Variants in FAM193A observed in about 807,000 individuals in gnomAD.
FAM193A encodes protein FAM193A.
In FAM193A, 22 loss-of-function variants were observed where a neutral mutation model predicts 126.5. The observed-to-expected ratio is 0.17, with a 90% CI of 0.12 to 0.25. FAM193A has a LOEUF of 0.25. Among genes scored for constraint, FAM193A ranks in the 10% least tolerant of loss-of-function variants. The pLI is 1.00. For synonymous variants in FAM193A, 761 were observed against 646.8 expected, an observed-to-expected ratio of 1.18 and a Z score of -2.68; for missense variants, 1,675 against 1,672.8, an observed-to-expected ratio of 1.00 and a Z score of -0.02.
At chr4:2,665,666 C>T (rs887436686) in intron 12 of FAM193A, among the ~76,000 whole-genome samples, 4 of 152,096 alleles carry the variant, frequency 2.6e-5, no homozygotes, top group Non-Finnish European at 4.4e-5. Flanking sequence ...ATTACAACTA[C>T]AGGCATGCGC....
At chr4:2,722,283 T>C (rs1720251729) in intron 20 of FAM193A, among the ~76,000 whole-genome samples, 1 of 152,162 alleles carries the variant, frequency 6.6e-6, no homozygotes, top group African/African-American at 2.4e-5. Flanking sequence ...GGCCACTGTG[T>C]CTCGGGTGCA....
At chr4:2,709,427 G>T (rs1718668810) in intron 19 of FAM193A, among the ~76,000 whole-genome samples, 1 of 152,090 alleles carries the variant, frequency 6.6e-6, no homozygotes, top group African/African-American at 2.4e-5. Flanking sequence ...GAAGTTTTTG[G>T]CTGGGCACGG....
chr4:2,699,640 C>T (rs1269865144), intron 18 of FAM193A, 40 bp from the exon 19 acceptor site: 3 of 1,549,508 alleles, frequency 1.9e-6, no homozygotes, highest in East Asian at 4.5e-5. Context: ...ATTTTTAGCA[C>T]TCACTGTAGT....
intron 1 of FAM193A, among the ~76,000 whole-genome samples, chr4:2,548,936 T>G (rs1298176429): frequency 6.6e-6 from 1 of 151,778 alleles, no homozygotes; most frequent in Non-Finnish European, 1.5e-5. Flanking sequence ...TTTTTGTTTT[T>G]TTTGTTTGTT....
At chr4:2,670,327 T>C (rs1045999008) in intron 12 of FAM193A, among the ~76,000 whole-genome samples, 1 of 152,204 alleles carries the variant, frequency 6.6e-6, no homozygotes, top group Non-Finnish European at 1.5e-5. Context: ...ATGTTGAATC[T>C]TTATTTTCAT....
chr4:2,662,964 C>T lies in FAM193A; in HGVS notation c.1872C>T (p.Gly624=), dbSNP rs552515235. 56 of 1,612,832 alleles carry T rather than the reference C, an allele frequency of 3.5e-5. 1 individual carries two copies. The South Asian group carries it at 4.7e-4, about 14-fold the overall frequency. Residue 624 remains glycine (G), a synonymous_variant, in exon 11 of 21, where the codon GGC becomes GGT. Coordinates refer to ENST00000637812, the MANE Select transcript of FAM193A (RefSeq NM_001366318.2). ...GAATCCACAGCGAATTGAATGGTGG[C>T]GGGGAAAACATGGCCCTGAAGGATG... is the stretch of plus-strand genomic sequence containing the variant. The part of the protein sequence containing the change: ...MNGIHSELNG[G]GENMALKDES...
chr4:2,689,794 C>T, intron 14 of FAM193A, 90 bp downstream of exon 14: 1 of 839,760 alleles, frequency 1.2e-6, no homozygotes. Context: ...AGCCCTGGCG[C>T]AGCTGTAGCC....
At chr4:2,637,751 G>T (rs996272650) in intron 5 of FAM193A, among the ~76,000 whole-genome samples, 1 of 152,184 alleles carries the variant, frequency 6.6e-6, no homozygotes, top group Admixed American at 6.5e-5. Flanking sequence ...CTGGTTCCAC[G>T]CCTGTCGATG....
chr4:2,672,325 C>G lies in FAM193A; in HGVS notation c.2284C>G (p.Leu762Val). 6.2e-7 allele frequency: 1 copy of G among 1,614,228 alleles called. No homozygotes were observed. Among genetic ancestry groups the G allele is most frequent in the South Asian group, 1.1e-5 (1 of 91,086 alleles). Residue 762 changes from leucine (L) to valine (V), a missense_variant, in exon 13 of 21, where the codon CTC becomes GTC. By Grantham distance (32) the Leu-to-Val change is conservative (BLOSUM62 1). Transcript: ENST00000637812. ...CACTGTTCCACACCTGCCACGCCCTCTCATCCACCCCACCTTGTATGCAAC... is the reference window on the plus strand; with the variant it reads ...CACTGTTCCACACCTGCCACGCCCTGTCATCCACCCCACCTTGTATGCAAC... ...LHTVPHLPRP[L>V]IHPTLYATPP... is the part of the protein sequence containing the mutation.
rs760377706 is a variant in FAM193A at position 2,700,217 on chromosome 4, G to A, written c.4045G>A (p.Glu1349Lys). Residue 1349 changes from glutamate (E) to lysine (K), a missense_variant, in exon 19 of 21, where the codon GAG (glutamate) becomes AAG (lysine). Coordinates refer to ENST00000637812, the MANE Select transcript of FAM193A (RefSeq NM_001366318.2). The stretch of plus-strand genomic sequence containing the variant: ...GAGGCAGACCAGCAAGGCCAGCAGC[G>A]AGCCAGCGAGGAGGCCCACAGAGCC... ...KLRQTSKASSEPARRPTEPPK... is the reference protein window; with the variant it reads ...KLRQTSKASSKPARRPTEPPK... 1.9e-6 allele frequency: 3 copies of A among 1,613,768 alleles called. No individual in the cohort carries two copies. Among genetic ancestry groups the A allele is most frequent in the African/African-American group, 1.3e-5 (1 of 74,870 alleles).
chr4:2,665,154 C>G (rs1712962537), intron 12 of FAM193A, among the ~76,000 whole-genome samples: 1 of 152,026 alleles, frequency 6.6e-6, no homozygotes, highest in Non-Finnish European at 1.5e-5. Context: ...TTTAATTTTT[C>G]TCAGTAGTTC....
chr4:2,669,106 G>A (rs1713491044), intron 12 of FAM193A, among the ~76,000 whole-genome samples: 1 of 152,120 alleles, frequency 6.6e-6, no homozygotes, highest in Admixed American at 6.5e-5. Flanking sequence ...GCCTCCCAAA[G>A]TGCTGGGATT....
In FAM193A at chr4:2,699,981, C is replaced by A; in HGVS notation, c.3809C>A (p.Pro1270Gln). 6.2e-7 allele frequency: 1 copy of A among 1,613,940 alleles called. No homozygotes were observed. Among genetic ancestry groups the A allele is most frequent in the Non-Finnish European group, 8.5e-7 (1 of 1,179,980 alleles). Residue 1270 changes from proline (P) to glutamine (Q), a missense_variant, in exon 19 of 21, where the codon CCA becomes CAA. Physicochemically the swap from Pro to Gln is moderately conservative, Grantham distance 76. Transcript: ENST00000637812. ...HNGSLEQTEE[P>Q]ETSSHSPSRH... ...GGCTCACTAGAGCAAACTGAAGAAC[C>A]AGAAACCTCTTCTCACTCCCCATCC...
intron 17 of FAM193A, among the ~76,000 whole-genome samples, chr4:2,695,478 A>G (rs1716927123): frequency 1.3e-5 from 2 of 152,188 alleles, no homozygotes; most frequent in South Asian, 2.1e-4. Context: ...TTGAATACAG[A>G]GGGCGTTGGT....
intron 5 of FAM193A, among the ~76,000 whole-genome samples, chr4:2,632,855 G>A (rs1427667228): frequency 6.6e-6 from 1 of 152,056 alleles, no homozygotes; most frequent in Non-Finnish European, 1.5e-5. Flanking sequence ...CAAATCCAGA[G>A]CCCCTCCTCT....
chr4:2,635,795 C>T (rs1034058461), intron 5 of FAM193A, among the ~76,000 whole-genome samples: 3 of 152,158 alleles, frequency 2.0e-5, no homozygotes, highest in Non-Finnish European at 4.4e-5. Flanking sequence ...GCCTCGGCCT[C>T]CCAAAGTTTT....
At chr4:2,610,330 C>T (rs1167371900) in intron 2 of FAM193A, among the ~76,000 whole-genome samples, 2 of 150,668 alleles carry the variant, frequency 1.3e-5, no homozygotes, top group Non-Finnish European at 2.9e-5. Context: ...GGCATATAGT[C>T]CCAACTTAAA....
In FAM193A at chr4:2,615,487, T is replaced by C. The variant is rs571750033; in HGVS notation, c.502-9775T>C. Among the ~76,000 whole-genome samples the C allele has an allele frequency of 3.9e-5, 6 of 152,292 alleles. No individual in the cohort carries two copies. In the East Asian group the frequency reaches 7.7e-4, roughly 20 times the overall value. On this transcript the variant is annotated intron_variant, in intron 2 of 20. Transcript: ENST00000637812. The stretch of plus-strand genomic sequence containing the variant: ...TTATTATGATTTGTTCATTGACCCA[T>C]GTTTTGTTCAGAAGTATGTTTTTAT...
intron 1 of FAM193A, among the ~76,000 whole-genome samples, chr4:2,588,161 G>A (rs1740338652): frequency 6.6e-6 from 1 of 152,074 alleles, no homozygotes; most frequent in Non-Finnish European, 1.5e-5. Flanking sequence ...TCCCTCCTGG[G>A]CACCCTGCTC....
Sources: allele counts gnomAD v4.1 joint callset (sites outside exome capture counted in the v4.1 genomes callset), GRCh38; gene constraint gnomAD v4.1.1; transcripts MANE v1.5; gene names NCBI Gene and HGNC (gene_info 2026-07-23, HGNC 2026-07-21).